The following XIRP2 variants were observed in gnomAD, a reference collection of about 807,000 sequenced individuals.
XIRP2 encodes xin actin-binding repeat-containing protein 2.
XIRP2 carries 236 observed loss-of-function variants against 277.0 expected under a neutral mutation model. The observed-to-expected ratio is 0.85, with a 90% CI of 0.77 to 0.95. XIRP2 has a LOEUF of 0.95. XIRP2 is among the 40% of genes least tolerant of loss of function. XIRP2 has a pLI of 0.00. For missense variants in XIRP2, 4,640 were observed against 4,157.5 expected (o/e 1.12, Z -3.19); for synonymous variants, 1,490 against 1,416.5 (o/e 1.05, Z -1.17).
intron 2 of XIRP2, among the ~76,000 whole-genome samples, chr2:167,084,507 G>A (rs2105266426): frequency 6.6e-6 from 1 of 151,332 alleles, no homozygotes. Context: ...AATAGTTTCA[G>A]AAGGAATGGT....
intron 2 of XIRP2, among the ~76,000 whole-genome samples, chr2:167,128,443 A>G (rs1281167290): frequency 3.9e-5 from 6 of 152,052 alleles, no homozygotes; most frequent in Non-Finnish European, 8.8e-5. Context: ...CGGGAAATAC[A>G]GTGTTGGCGA....
chr2:167,072,102 A>G (rs1186997879), intron 2 of XIRP2, among the ~76,000 whole-genome samples: 8 of 152,178 alleles, frequency 5.3e-5, no homozygotes, highest in African/African-American at 1.9e-4. Flanking sequence ...AAAATATATA[A>G]TATAAGCATA....
intron 2 of XIRP2, among the ~76,000 whole-genome samples, chr2:166,980,204 T>C (rs1686829454): frequency 6.6e-6 from 1 of 152,226 alleles, no homozygotes; most frequent in Admixed American, 6.5e-5. Flanking sequence ...CTTTTGAACC[T>C]AGTATTGGTA....
At position 167,217,397 on chromosome 2, in the gene XIRP2, A is replaced by G. The variant is rs1290420230; in HGVS notation, c.724-769A>G. Among the ~76,000 whole-genome samples, 3 of 152,172 alleles carry G rather than the reference A, an allele frequency of 2.0e-5. No individual in the cohort carries two copies. The East Asian group carries it at 5.8e-4, about 29-fold the overall frequency. ...TCTGACATGCCTGTGCTCAGAGCTG[A>G]TGCCTGGGGTGTGCTAATCCTGGAG... On this transcript the variant is annotated intron_variant, in intron 4 of 10. Transcript: ENST00000409195.
At chr2:166,924,380 G>A (rs1685130845) in intron 2 of XIRP2, among the ~76,000 whole-genome samples, 1 of 151,918 alleles carries the variant, frequency 6.6e-6, no homozygotes, top group South Asian at 2.1e-4. Context: ...CCCTTTTGAG[G>A]TTTTGCCTTT....
intron 3 of XIRP2, among the ~76,000 whole-genome samples, chr2:167,167,587 A>G (rs1241469592): frequency 6.6e-6 from 1 of 152,124 alleles, no homozygotes; most frequent in Non-Finnish European, 1.5e-5. Flanking sequence ...GTACCACTTC[A>G]TGGGTAGTAT....
rs763416988 is a variant in XIRP2 at position 167,257,901 on chromosome 2, C to T, written c.*84C>T. 1.9e-6 allele frequency: 3 copies of T among 1,610,444 alleles called. No individual in the cohort carries two copies. The Admixed American group carries it at 5.1e-5, about 27-fold the overall frequency. ...CTTCATGGACAAATATACTGTAAAC[C>T]TCACTTTAAACAACTTTTCAAATCC... On this transcript the variant is annotated 3_prime_UTR_variant, in exon 11 of 11. Coordinates refer to ENST00000409195, the MANE Select transcript of XIRP2 (RefSeq NM_152381.6).
chr2:166,966,917 T>C (rs1321390612), intron 2 of XIRP2, among the ~76,000 whole-genome samples: 1 of 152,016 alleles, frequency 6.6e-6, no homozygotes, highest in Admixed American at 6.6e-5. Flanking sequence ...TAGAACCCTG[T>C]TGGAATTTCA....
chr2:167,198,529 CTT>C (rs1390484722), intron 3 of XIRP2, among the ~76,000 whole-genome samples: 2 of 152,220 alleles, frequency 1.3e-5, no homozygotes, highest in South Asian at 4.1e-4. Flanking sequence ...AAACATAAAG[CTT>C]TGGTGAGAAT....
At chr2:167,191,593 C>G (rs529208466) in intron 3 of XIRP2, among the ~76,000 whole-genome samples, 30 of 152,196 alleles carry the variant, frequency 2.0e-4, no homozygotes, top group Non-Finnish European at 2.8e-4. Context: ...GGAGACCTGT[C>G]TGCATATTCT....
At chr2:167,241,673 G>A in intron 7 of XIRP2, 104 bp from the exon 8 acceptor site, 1 of 1,315,618 alleles carries the variant, frequency 7.6e-7, no homozygotes, top group Non-Finnish European at 1.0e-6. Flanking sequence ...GTCTCCCAAA[G>A]TATTGGGATT....
intron 2 of XIRP2, among the ~76,000 whole-genome samples, chr2:167,099,422 A>G (rs1690425254): frequency 6.6e-6 from 1 of 152,128 alleles, no homozygotes; most frequent in African/African-American, 2.4e-5. Context: ...GAATTTCAAG[A>G]CAGTGCATCT....
chr2:167,091,586 T>G (rs1471570122), intron 2 of XIRP2, among the ~76,000 whole-genome samples: 1 of 152,108 alleles, frequency 6.6e-6, no homozygotes, highest in Non-Finnish European at 1.5e-5. Context: ...CTTCTTATTT[T>G]CTTGAATATG....
rs750446972 is a variant in XIRP2 at position 167,258,986 on chromosome 2, A to G, written c.*1169A>G. 5 of 1,611,678 alleles carry G rather than the reference A, an allele frequency of 3.1e-6. No individual in the cohort carries two copies. Among genetic ancestry groups the G allele is most frequent in the African/African-American group, 1.3e-5 (1 of 74,792 alleles). On this transcript the variant is annotated 3_prime_UTR_variant, in exon 11 of 11. Transcript: ENST00000409195. Reference sequence around the variant, plus strand: ...TATGGTAAAGGGGGGAAGTTCAATCATCTCTCCTGATACAAATCTCTTAAA... The same window carrying G: ...TATGGTAAAGGGGGGAAGTTCAATCGTCTCTCCTGATACAAATCTCTTAAA...
intron 3 of XIRP2, among the ~76,000 whole-genome samples, chr2:167,165,453 A>C (rs1442272360): frequency 6.6e-6 from 1 of 152,222 alleles, no homozygotes. Flanking sequence ...ACAATTTTGC[A>C]TTTCCACCAG....
intron 2 of XIRP2, among the ~76,000 whole-genome samples, chr2:166,935,104 C>G (rs565596048): frequency 9.2e-5 from 14 of 151,580 alleles, no homozygotes; most frequent in Admixed American, 5.3e-4. Context: ...CAGAGGAGTT[C>G]TATTATAATT....
intron 3 of XIRP2, among the ~76,000 whole-genome samples, chr2:167,190,940 G>T (rs960045559): frequency 1.3e-5 from 2 of 151,974 alleles, no homozygotes; most frequent in Non-Finnish European, 2.9e-5. Context: ...GGTGGCTCAC[G>T]CCTGTAACCC....
Position 167,250,252 on chromosome 2 carries a change from C to G in XIRP2, c.8860C>G (p.Leu2954Val), listed in dbSNP as rs1228716492. The stretch of plus-strand genomic sequence containing the variant: ...GGAATTCTTGAGAAAACGTGAAGAA[C>G]TGCAACAGATTTTGTCGAGAGTGAA... Reference protein sequence around the residue: ...IVEFLRKREELQQILSRVKQF... With the variant: ...IVEFLRKREEVQQILSRVKQF... The change falls in exon 9 of 11, where the codon CTG (leucine) becomes GTG (valine). Residue 2954 changes from leucine (L) to valine (V), a missense_variant. Physicochemically the swap from Leu to Val is conservative, Grantham distance 32. Transcript: ENST00000409195. 2.5e-6 allele frequency: 4 copies of G among 1,613,164 alleles called. No homozygotes were observed. The African/African-American group carries it at 5.3e-5, about 22-fold the overall frequency.
chr2:167,208,400 C>T (rs1460798450), intron 3 of XIRP2, among the ~76,000 whole-genome samples: 2 of 152,134 alleles, frequency 1.3e-5, no homozygotes, highest in Admixed American at 6.5e-5. Context: ...CTTCGCCTCC[C>T]GGGTTCACGC....
Sources: allele counts gnomAD v4.1 joint callset (sites outside exome capture counted in the v4.1 genomes callset), GRCh38; gene constraint gnomAD v4.1.1; transcripts MANE v1.5; gene names NCBI Gene and HGNC (gene_info 2026-07-23, HGNC 2026-07-21).